CBLB: variants seen among roughly 807,000 people sequenced by gnomAD.
CBLB encodes the protein E3 ubiquitin-protein ligase CBL-B.
Under a neutral mutation model 104.9 loss-of-function variants are expected in CBLB, and 31 were observed. That is an observed-to-expected ratio of 0.30 (90% CI 0.22 to 0.40). CBLB has a LOEUF of 0.40. Among genes scored for constraint, CBLB ranks in the 10% least tolerant of loss-of-function variants. The pLI is 1.00. For missense variants in CBLB, 1,062 were observed against 1,214.6 expected, an observed-to-expected ratio of 0.87 and a Z score of 1.87; for synonymous variants, 440 against 422.6, an observed-to-expected ratio of 1.04 and a Z score of -0.51.
intron 3 of CBLB, among the ~76,000 whole-genome samples, chr3:105,815,342 G>A: frequency 6.6e-6 from 1 of 152,100 alleles, no homozygotes; most frequent in South Asian, 2.1e-4. Flanking sequence ...TCTGTTCAAA[G>A]GATGATTAGC....
intron 10 of CBLB, among the ~76,000 whole-genome samples, chr3:105,718,874 C>CA (rs1486128264): frequency 6.6e-6 from 1 of 152,228 alleles, no homozygotes; most frequent in Non-Finnish European, 1.5e-5. Flanking sequence ...ATGTATCTTC[C>CA]TGTACAGGGA....
chr3:105,733,378 G>GTCCT (rs1449259047), intron 9 of CBLB, among the ~76,000 whole-genome samples: 4 of 149,320 alleles, frequency 2.7e-5, no homozygotes, highest in African/African-American at 4.9e-5. Context: ...AAAAAGGAAA[G>GTCCT]TCCTTGGGAA....
chr3:105,789,118 G>T (rs2081355841), intron 3 of CBLB, among the ~76,000 whole-genome samples: 2 of 152,102 alleles, frequency 1.3e-5, no homozygotes, highest in African/African-American at 2.4e-5. Flanking sequence ...ATTTTGGGGT[G>T]GTTTGCTATA....
Position 105,659,067 on chromosome 3 carries a change from C to T in CBLB, c.2852G>A (p.Arg951Lys), listed in dbSNP as rs777243226. 6.2e-7 allele frequency: 1 copy of T among 1,614,020 alleles called. No homozygotes were observed. Among genetic ancestry groups the T allele is most frequent in the Non-Finnish European group, 8.5e-7 (1 of 1,179,954 alleles). The change falls in exon 19 of 19, where the codon AGA becomes AAA. Residue 951 changes from arginine to lysine, a missense_variant. By Grantham distance (26) the Arg-to-Lys change is conservative. Coordinates refer to ENST00000394030, the MANE Select transcript of CBLB (RefSeq NM_170662.5). ...GEGYAFEEVKRALEIAQNNVE... is the reference protein window; with the variant it reads ...GEGYAFEEVKKALEIAQNNVE... Reference sequence around the variant, plus strand: ...ATTATTCTGGGCTATCTCTAAGGCTCTCTTCACCTCTTCAAAGGCATAACC... The same window carrying T: ...ATTATTCTGGGCTATCTCTAAGGCTTTCTTCACCTCTTCAAAGGCATAACC...
At chr3:105,836,975 A>C (rs2088624612) in intron 3 of CBLB, among the ~76,000 whole-genome samples, 1 of 152,158 alleles carries the variant, frequency 6.6e-6, no homozygotes, top group African/African-American at 2.4e-5. Context: ...ACCAAAAAAA[A>C]AAAAAAATCA....
At chr3:105,681,211 C>G (rs1397376072) in intron 16 of CBLB, 1 of 528,778 alleles carries the variant, frequency 1.9e-6, no homozygotes, top group Non-Finnish European at 3.3e-6. Context: ...GCACAAAGCT[C>G]TCATGTGTTT....
chr3:105,776,594 T>A, intron 3 of CBLB, 52 bp from the exon 4 acceptor site: 1 of 1,487,258 alleles, frequency 6.7e-7, no homozygotes, highest in East Asian at 2.3e-5. Flanking sequence ...CCTAGATGCA[T>A]GCAAATTTTT....
At chr3:105,737,968 T>C (rs2075134104) in intron 7 of CBLB, among the ~76,000 whole-genome samples, 1 of 152,216 alleles carries the variant, frequency 6.6e-6, no homozygotes, top group Non-Finnish European at 1.5e-5. Context: ...GTAGTAATAA[T>C]GCATTCTTGC....
intron 12 of CBLB, among the ~76,000 whole-genome samples, chr3:105,700,385 C>T (rs1457524657): frequency 6.6e-6 from 1 of 151,750 alleles, no homozygotes; most frequent in Non-Finnish European, 1.5e-5. Context: ...TAACATGCTG[C>T]TGAGATATAA....
chr3:105,659,650 T>A (rs572849118), intron 18 of CBLB, among the ~76,000 whole-genome samples: 1 of 152,294 alleles, frequency 6.6e-6, no homozygotes, highest in East Asian at 1.9e-4. Context: ...GGGAGGTTTC[T>A]ATGAGAGGAA....
At chr3:105,678,332 G>T in intron 17 of CBLB, 99 bp downstream of exon 17, 3 of 1,179,110 alleles carry the variant, frequency 2.5e-6, no homozygotes, top group East Asian at 4.7e-5. Context: ...TTCTGCTAGG[G>T]AGGTAGAGAC....
chr3:105,825,227 G>T (rs1302750839), intron 3 of CBLB, among the ~76,000 whole-genome samples: 2 of 152,088 alleles, frequency 1.3e-5, no homozygotes, highest in East Asian at 3.9e-4. Flanking sequence ...TCATGTCATG[G>T]TTCTTCAGCT....
chr3:105,805,999 G>C (rs1208301244), intron 3 of CBLB, among the ~76,000 whole-genome samples: 1 of 151,520 alleles, frequency 6.6e-6, no homozygotes, highest in African/African-American at 2.4e-5. Flanking sequence ...AAACCACTAT[G>C]TTCCCACAGT....
At chr3:105,721,136 C>G (rs2072759243) in intron 9 of CBLB, among the ~76,000 whole-genome samples, 1 of 152,150 alleles carries the variant, frequency 6.6e-6, no homozygotes, top group African/African-American at 2.4e-5. Flanking sequence ...TATACCCTGA[C>G]TTTAGCAATG....
At chr3:105,765,855 T>C (rs1238545105) in intron 4 of CBLB, among the ~76,000 whole-genome samples, 2 of 152,232 alleles carry the variant, frequency 1.3e-5, no homozygotes, top group African/African-American at 4.8e-5. Flanking sequence ...GTACTCATTC[T>C]GCAGCCCATG....
chr3:105,779,229 T>A (rs1240380099), intron 3 of CBLB, among the ~76,000 whole-genome samples: 1 of 152,250 alleles, frequency 6.6e-6, no homozygotes, highest in Non-Finnish European at 1.5e-5. Flanking sequence ...ATTCTGGGTA[T>A]CTGATCCACT....
rs1205108099 is a variant in CBLB at position 105,807,090 on chromosome 3, G to A, written c.420-30548C>T. ...AAACATTTAAGTCAATTAGTACGTT[G>A]AACAGTACATCATACATACATCCAA... On this transcript the variant is annotated intron_variant, in intron 3 of 18. Transcript: ENST00000394030. Among the ~76,000 whole-genome samples the A allele has an allele frequency of 2.0e-5, 3 of 152,066 alleles. No individual in the cohort carries two copies. The East Asian group carries it at 5.8e-4, about 29-fold the overall frequency.
chr3:105,681,669 T>G (rs2066335981), intron 15 of CBLB, 55 bp downstream of exon 15: 2 of 1,609,846 alleles, frequency 1.2e-6, no homozygotes, highest in Non-Finnish European at 1.7e-6. Context: ...AATTTTGCCT[T>G]TAAATTCTGA....
Position 105,704,132 on chromosome 3 carries a change from G to C in CBLB, c.1449C>G (p.Ser483=). ...RQNSPVTSPG[S]SPLAQRRKPQ... is the part of the protein sequence containing the mutation. ...GCTTTCTTCTCTGGGCAAGGGGAGA[G>C]GATCCTGGTGATGTGACTGGTGAGT... Residue 483 remains serine (S), a synonymous_variant, in exon 11 of 19, where the codon TCC becomes TCG. Transcript: ENST00000394030. 6.2e-7 allele frequency: 1 copy of C among 1,614,166 alleles called. No homozygotes were observed. The highest frequency in any genetic ancestry group is 1.1e-5 in the South Asian group (1 of 91,086).
Sources: gnomAD v4.1 joint callset for allele counts (sites outside exome capture counted in the v4.1 genomes callset) on GRCh38, gnomAD v4.1.1 for gene constraint, MANE v1.5 for transcripts, NCBI Gene and HGNC (gene_info 2026-07-23, HGNC 2026-07-21) for gene names.